COL19A1: variants seen among roughly 807,000 people sequenced by gnomAD.
The protein encoded by COL19A1 is collagen type XIX alpha 1 chain, also known as collagen alpha-1(XIX) chain.
In COL19A1, 159 loss-of-function variants were observed where a neutral mutation model predicts 190.2. The ratio of observed to expected loss-of-function variants is 0.84; its 90% CI spans 0.73 to 0.95. The LOEUF is 0.95. Among genes scored for constraint, COL19A1 ranks in the 40% least tolerant of loss-of-function variants. COL19A1 has a pLI of 0.00. For synonymous variants in COL19A1, 509 were observed against 458.9 expected (o/e 1.11, Z -1.39); for missense variants, 1,418 against 1,431.9 (o/e 0.99, Z 0.16).
chr6:69,944,895 G>A (rs181060181), intron 9 of COL19A1, among the ~76,000 whole-genome samples: 20 of 151,974 alleles, frequency 1.3e-4, no homozygotes, highest in Admixed American at 1.2e-3. Flanking sequence ...AACATTATTT[G>A]AAGTAATAAT....
chr6:70,200,421 C>CATTT (rs1275571028), intron 49 of COL19A1, among the ~76,000 whole-genome samples: 1 of 151,936 alleles, frequency 6.6e-6, no homozygotes, highest in Non-Finnish European at 1.5e-5. Flanking sequence ...GCAAAGTGGC[C>CATTT]AAATAGGCCC....
chr6:69,899,963 G>A (rs1471756132), intron 3 of COL19A1, among the ~76,000 whole-genome samples: 1 of 152,090 alleles, frequency 6.6e-6, no homozygotes, highest in South Asian at 2.1e-4. Context: ...TTTTACTTAA[G>A]ATAATTCCTA....
rs116524594 is a variant in COL19A1, at chr6:70,045,140, C to T, written c.1170+9201C>T. Among the ~76,000 whole-genome samples the T allele has an allele frequency of 8.9e-3, 1,348 of 151,826 alleles. 16 individuals are homozygous for T. The highest frequency in any genetic ancestry group is 0.031 in the African/African-American group (1,279 of 41,388). ...CCAGCCTGACCAAAATGGAGAAATGCCATCTCAACTAAAAATAGAAAAATT... is the reference window on the plus strand; with the variant it reads ...CCAGCCTGACCAAAATGGAGAAATGTCATCTCAACTAAAAATAGAAAAATT... On this transcript the variant is annotated intron_variant, in intron 14 of 50. Coordinates refer to ENST00000620364, the MANE Select transcript of COL19A1 (RefSeq NM_001858.6).
Position 69,879,627 on chromosome 6 carries a change from T to C in COL19A1, c.60T>C (p.Ala20=), listed in dbSNP as rs1768374020. ...WLWMSIFLLP[A]STSVTVRDKT... is the part of the protein sequence containing the mutation. The stretch of plus-strand genomic sequence containing the variant: ...GGATGTCAATATTTCTGCTTCCTGC[T>C]TCCACTTCCGTGACCGTTAGGGACA... The change falls in exon 2 of 51, where the codon GCT becomes GCC. Residue 20 remains alanine (A), a synonymous_variant. Transcript: ENST00000620364. 3 of 1,614,090 alleles carry C rather than the reference T, an allele frequency of 1.9e-6. No individual in the cohort carries two copies. Among genetic ancestry groups the C allele is most frequent in the East Asian group, 2.2e-5 (1 of 44,890 alleles).
intron 11 of COL19A1, among the ~76,000 whole-genome samples, chr6:69,964,160 T>C (rs1158560175): frequency 6.6e-6 from 1 of 152,194 alleles, no homozygotes; most frequent in Non-Finnish European, 1.5e-5. Context: ...TAAGTATTTA[T>C]AGAGAGAATG....
intron 4 of COL19A1, among the ~76,000 whole-genome samples, chr6:69,914,309 ACC>A (rs1771153860): frequency 6.6e-6 from 1 of 152,054 alleles, no homozygotes; most frequent in Non-Finnish European, 1.5e-5. Context: ...TTTCAGACAA[ACC>A]CTCTAGGCCC....
chr6:70,114,258 G>A (rs950568586), intron 16 of COL19A1, among the ~76,000 whole-genome samples: 4 of 152,064 alleles, frequency 2.6e-5, no homozygotes, highest in African/African-American at 7.2e-5. Flanking sequence ...TGCCCTGCTC[G>A]ATTGTTTAAA....
intron 46 of COL19A1, among the ~76,000 whole-genome samples, chr6:70,187,233 A>G (rs1236291045): frequency 6.6e-6 from 1 of 152,106 alleles, no homozygotes; most frequent in Non-Finnish European, 1.5e-5. Flanking sequence ...TGTCAGTGAC[A>G]TCCTCCCCCC....
intron 15 of COL19A1, among the ~76,000 whole-genome samples, chr6:70,082,702 C>T (rs546190526): frequency 5.3e-5 from 8 of 152,290 alleles, no homozygotes; most frequent in Non-Finnish European, 7.4e-5. Context: ...TGAGCCACCA[C>T]GCCCAGCCAA....
chr6:69,923,817 C>T (rs1772167311), intron 4 of COL19A1, among the ~76,000 whole-genome samples: 1 of 152,148 alleles, frequency 6.6e-6, no homozygotes, highest in East Asian at 1.9e-4. Context: ...TATAAACTAC[C>T]AGCCTGAACA....
intron 15 of COL19A1, among the ~76,000 whole-genome samples, chr6:70,076,799 G>A (rs1346137935): frequency 6.6e-6 from 1 of 152,198 alleles, no homozygotes; most frequent in Non-Finnish European, 1.5e-5. Context: ...AACACTTAAA[G>A]AGAATGGAAA....
intron 34 of COL19A1, among the ~76,000 whole-genome samples, chr6:70,161,590 G>A (rs573864981): frequency 2.0e-5 from 3 of 152,238 alleles, no homozygotes; most frequent in African/African-American, 7.2e-5. Context: ...TATAGGCGAG[G>A]TGTGAAGGAT....
At chr6:69,906,286 G>A (rs1300292043) in intron 4 of COL19A1, among the ~76,000 whole-genome samples, 1 of 152,106 alleles carries the variant, frequency 6.6e-6, no homozygotes, top group African/African-American at 2.4e-5. Flanking sequence ...GGCCGATGAA[G>A]AAATTGATTT....
chr6:70,192,654 C>G (rs910167831), intron 48 of COL19A1, among the ~76,000 whole-genome samples: 30 of 152,016 alleles, frequency 2.0e-4, no homozygotes, highest in African/African-American at 6.8e-4. Context: ...AAGAATATAC[C>G]CATGGCTACA....
At chr6:70,156,494 GGAGAGA>G in intron 33 of COL19A1, 125 bp downstream of exon 33, 5 of 851,048 alleles carry the variant, frequency 5.9e-6, no homozygotes, top group Non-Finnish European at 8.7e-6. Flanking sequence ...GTATGTATAT[GGAGAGA>G]GAGAGAGAGA....
intron 11 of COL19A1, among the ~76,000 whole-genome samples, chr6:69,976,638 C>A (rs75187070): frequency 0.086 from 12,994 of 151,770 alleles, 658 homozygotes; most frequent in East Asian, 0.21. Flanking sequence ...CTCCAGAACA[C>A]GGAAGAGGCA....
At chr6:69,918,071 G>T (rs1156899850) in intron 4 of COL19A1, among the ~76,000 whole-genome samples, 2 of 152,158 alleles carry the variant, frequency 1.3e-5, no homozygotes, top group African/African-American at 4.8e-5. Context: ...TGGAGCCTGG[G>T]TGCCACACAG....
At chr6:70,063,989 C>T (rs1295132473) in intron 14 of COL19A1, among the ~76,000 whole-genome samples, 1 of 152,126 alleles carries the variant, frequency 6.6e-6, no homozygotes, top group Non-Finnish European at 1.5e-5. Context: ...TAATTAATAG[C>T]TTACCAACCA....
chr6:70,096,922 G>A (rs1783312791), intron 15 of COL19A1, among the ~76,000 whole-genome samples: 1 of 152,158 alleles, frequency 6.6e-6, no homozygotes, highest in Non-Finnish European at 1.5e-5. Context: ...CTACTCAGAA[G>A]AGGGGCTAGC....
Sources: gnomAD v4.1 joint callset for allele counts (sites outside exome capture counted in the v4.1 genomes callset) on GRCh38, gnomAD v4.1.1 for gene constraint, MANE v1.5 for transcripts, NCBI Gene and HGNC (gene_info 2026-07-23, HGNC 2026-07-21) for gene names.